The following PDE1A variants were observed in gnomAD, a reference collection of about 807,000 sequenced individuals.
PDE1A encodes phosphodiesterase 1A, also known as dual specificity calcium/calmodulin-dependent 3',5'-cyclic nucleotide phosphodiesterase 1A.
Under a neutral mutation model 61.7 loss-of-function variants are expected in PDE1A, and 35 were observed. That is an observed-to-expected ratio of 0.57 (90% CI 0.43 to 0.75). The LOEUF (loss-of-function observed/expected upper bound fraction) is 0.75. Ranked by LOEUF, PDE1A falls within the 30% of genes least tolerant of loss-of-function variation. The pLI is 0.00. For missense variants in PDE1A, 597 were observed against 630.6 expected (o/e 0.95, Z 0.57); for synonymous variants, 232 against 213.2 (o/e 1.09, Z -0.77).
the PDE1A span, among the ~76,000 whole-genome samples, chr2:182,653,601 T>C: frequency 6.6e-6 from 1 of 152,192 alleles, no homozygotes; most frequent in Non-Finnish European, 1.5e-5. Context: ...AGGAAACCCA[T>C]ATCTAGAAAA....
the PDE1A span, among the ~76,000 whole-genome samples, chr2:182,690,431 CAT>C: frequency 6.6e-6 from 1 of 152,166 alleles, no homozygotes; most frequent in Non-Finnish European, 1.5e-5. Flanking sequence ...ACAAAAACCA[CAT>C]GATTATCTCA....
intron 1 of PDE1A, among the ~76,000 whole-genome samples, chr2:182,271,454 G>T (rs968349876): frequency 1.3e-5 from 2 of 152,022 alleles, no homozygotes; most frequent in African/African-American, 2.4e-5. Flanking sequence ...TTCCCCAAAA[G>T]TCACAATTTA....
At chr2:182,344,969 G>A (rs1197028805) in intron 1 of PDE1A, among the ~76,000 whole-genome samples, 1 of 152,114 alleles carries the variant, frequency 6.6e-6, no homozygotes, top group Admixed American at 6.6e-5. Context: ...CCCCGATTCA[G>A]TGCACTGTCT....
chr2:182,534,378 C>G, the PDE1A span, among the ~76,000 whole-genome samples: 1 of 151,864 alleles, frequency 6.6e-6, no homozygotes, highest in East Asian at 1.9e-4. Flanking sequence ...CATATTGGGT[C>G]AAGGGTTATA....
chr2:182,308,208 CCA>C (rs1282798678), intron 1 of PDE1A, among the ~76,000 whole-genome samples: 1 of 151,936 alleles, frequency 6.6e-6, no homozygotes, highest in Non-Finnish European at 1.5e-5. Flanking sequence ...GGGAGAAATA[CCA>C]CACATAACAT....
intron 1 of PDE1A, among the ~76,000 whole-genome samples, chr2:182,391,825 G>A (rs1381280682): frequency 6.6e-6 from 1 of 152,180 alleles, no homozygotes; most frequent in Non-Finnish European, 1.5e-5. Flanking sequence ...CAGTATTCCT[G>A]GAAGTGAAAT....
chr2:182,538,734 C>G, the PDE1A span, among the ~76,000 whole-genome samples: 1 of 152,110 alleles, frequency 6.6e-6, no homozygotes, highest in Non-Finnish European at 1.5e-5. Flanking sequence ...CTACTATATT[C>G]CATGACATTT....
the PDE1A span, among the ~76,000 whole-genome samples, chr2:182,629,999 T>G: frequency 6.6e-6 from 1 of 152,158 alleles, no homozygotes; most frequent in South Asian, 2.1e-4. Context: ...TTTGATCTTT[T>G]TGGGATTAAC....
At chr2:182,447,756 T>C (rs1036403974) in intron 2 of PDE1A, among the ~76,000 whole-genome samples, 1 of 152,122 alleles carries the variant, frequency 6.6e-6, no homozygotes, top group Admixed American at 6.6e-5. Flanking sequence ...CCATGACACA[T>C]TTCCCTACTA....
intron 2 of PDE1A, among the ~76,000 whole-genome samples, chr2:182,462,072 A>G (rs1686326189): frequency 6.6e-6 from 1 of 152,138 alleles, no homozygotes; most frequent in Admixed American, 6.6e-5. Context: ...CAAGAATAAA[A>G]AACCAAACAC....
At chr2:182,401,437 T>C (rs1354293364) in intron 1 of PDE1A, among the ~76,000 whole-genome samples, 1 of 152,146 alleles carries the variant, frequency 6.6e-6, no homozygotes, top group African/African-American at 2.4e-5. Context: ...ATTATCTCAA[T>C]AGATGCAGAA....
intron 2 of PDE1A, among the ~76,000 whole-genome samples, chr2:182,513,388 C>T (rs188559984): frequency 3.3e-5 from 5 of 152,282 alleles, no homozygotes. Context: ...CATTTTCAGA[C>T]AAGCAAATGC....
At chr2:182,545,827 C>A in the PDE1A span, among the ~76,000 whole-genome samples, 1 of 152,132 alleles carries the variant, frequency 6.6e-6, no homozygotes, top group Non-Finnish European at 1.5e-5. Context: ...ATGTTCTTAC[C>A]AGCAGTCAGT....
At chr2:182,443,088 G>A (rs547354872) in intron 2 of PDE1A, among the ~76,000 whole-genome samples, 2 of 151,952 alleles carry the variant, frequency 1.3e-5, no homozygotes, top group East Asian at 3.9e-4. Context: ...AATTCTTCAA[G>A]TAGAACTAAT....
chr2:182,264,883 A>ATATATATATATATG (rs1364309893), intron 1 of PDE1A, among the ~76,000 whole-genome samples: 1 of 138,314 alleles, frequency 7.2e-6, no homozygotes, highest in East Asian at 2.2e-4. Flanking sequence ...ATATACATAT[A>ATATATATATATATG]TATATATATG....
intron 1 of PDE1A, among the ~76,000 whole-genome samples, chr2:182,321,347 G>A (rs1241175233): frequency 1.3e-5 from 2 of 152,046 alleles, no homozygotes; most frequent in Non-Finnish European, 1.5e-5. Flanking sequence ...ATTTTTAATA[G>A]TTCACAAGTT....
rs1178170642 is a variant in PDE1A, at chr2:182,451,294, G to A, written c.101+70982C>T. Among the ~76,000 whole-genome samples the A allele has an allele frequency of 7.6e-5, 2 of 26,276 alleles. 1 individual carries two copies. Among genetic ancestry groups the A allele is most frequent in the African/African-American group, 2.8e-4 (2 of 7,114 alleles). 17.2% of individuals were successfully genotyped at this position (26,276 alleles called of 152,430 possible). Reference sequence around the variant, plus strand: ...CTTGGGAGGCTGAGGCAGGAGAATGGCGTGAACCCGGGAGGCGGAGCTTGC... The same window carrying A: ...CTTGGGAGGCTGAGGCAGGAGAATGACGTGAACCCGGGAGGCGGAGCTTGC... On this transcript the variant is annotated intron_variant, in intron 2 of 14. Coordinates refer to the PDE1A transcript ENST00000410103.
intron 1 of PDE1A, among the ~76,000 whole-genome samples, chr2:182,381,814 A>C (rs1700753826): frequency 7.0e-6 from 1 of 142,296 alleles, no homozygotes. Flanking sequence ...TCTGTCTCAA[A>C]ATAATAATAA....
chr2:182,281,131 A>G (rs1693775774), intron 1 of PDE1A, among the ~76,000 whole-genome samples: 1 of 152,002 alleles, frequency 6.6e-6, no homozygotes, highest in Admixed American at 6.6e-5. Context: ...AGTTTGATCT[A>G]GATCTCAAGG....
Sources: gnomAD v4.1 joint callset for allele counts (sites outside exome capture counted in the v4.1 genomes callset) on GRCh38, gnomAD v4.1.1 for gene constraint, MANE v1.5 for transcripts, NCBI Gene and HGNC (gene_info 2026-07-23, HGNC 2026-07-21) for gene names.